Variants in TANC1 observed in about 807,000 individuals in gnomAD.
The protein encoded by TANC1 is protein TANC1.
In TANC1, 77 loss-of-function variants were observed where a neutral mutation model predicts 149.7. That is an observed-to-expected ratio of 0.51 (90% CI 0.43 to 0.62). TANC1 has a LOEUF of 0.62. Ranked by LOEUF, TANC1 falls within the 20% of genes least tolerant of loss-of-function variation. TANC1 has a pLI of 0.00. For synonymous variants in TANC1, 854 were observed against 925.0 expected (o/e 0.92, Z 1.39); for missense variants, 1,985 against 2,321.8 (o/e 0.85, Z 2.98).
intron 19 of TANC1, among the ~76,000 whole-genome samples, chr2:159,203,407 G>A (rs1414827897): frequency 2.0e-5 from 3 of 151,876 alleles, no homozygotes; most frequent in South Asian, 4.2e-4. Context: ...GGGTTTCACT[G>A]TATTGGCCAG....
chr2:159,188,688 G>A (rs2057208751), intron 16 of TANC1, among the ~76,000 whole-genome samples: 1 of 152,250 alleles, frequency 6.6e-6, no homozygotes, highest in Non-Finnish European at 1.5e-5. Context: ...AATTGTGCTT[G>A]TGTGAGCTTC....
In TANC1 at chr2:159,230,092, A is replaced by G. The variant is rs763882467; in HGVS notation, c.4666A>G (p.Ile1556Val). 24 of 1,613,832 alleles carry G rather than the reference A, an allele frequency of 1.5e-5. No individual in the cohort carries two copies. Among genetic ancestry groups the G allele is most frequent in the Non-Finnish European group, 2.0e-5 (24 of 1,180,050 alleles). ...GAGAAATGGCAGTATGAAAGTTCAG[A>G]TCTCTTCTCAGAACCCTCCTCCAAG... ...AVRNGSMKVQISSQNPPPSPM... is the reference protein window; with the variant it reads ...AVRNGSMKVQVSSQNPPPSPM... Residue 1556 changes from isoleucine (I) to valine (V), a missense_variant, in exon 27 of 27, where the codon ATC (isoleucine) becomes GTC (valine). Around this residue, in one of 3 missense-constraint regions of TANC1, gnomAD observed 920 missense variants for 994.7 expected, o/e 0.92. Transcript: ENST00000263635. This position sits in a 1 kb window ranked among gnomAD's most constrained non-coding sequence, Gnocchi z 4.4.
chr2:159,172,325 G>T (rs2055348510), intron 11 of TANC1, 53 bp downstream of exon 11: 4 of 1,572,066 alleles, frequency 2.5e-6, no homozygotes, highest in Middle Eastern at 1.8e-4. Flanking sequence ...TTGCTGGTTT[G>T]GTTTCTGAGA....
chr2:158,970,425 T>G (rs2032687188), intron 1 of TANC1, among the ~76,000 whole-genome samples: 1 of 152,116 alleles, frequency 6.6e-6, no homozygotes, highest in Admixed American at 6.5e-5. Flanking sequence ...TGCTTCTTGA[T>G]TGCTGGGAAT....
intron 4 of TANC1, 22 bp from the exon 5 acceptor site, chr2:159,136,172 A>T (rs1208882159): frequency 1.4e-6 from 2 of 1,444,240 alleles, no homozygotes; most frequent in African/African-American, 2.8e-5. Flanking sequence ...AATTAGCCAC[A>T]CTCAGATCTT....
intron 9 of TANC1, 58 bp downstream of exon 9, chr2:159,169,430 G>A (rs1298502181): frequency 6.4e-7 from 1 of 1,570,382 alleles, no homozygotes; most frequent in South Asian, 1.2e-5. Flanking sequence ...CAGTAACTTT[G>A]AAAGTCTGTG....
At chr2:159,095,622 G>A (rs2149895466) in intron 3 of TANC1, among the ~76,000 whole-genome samples, 1 of 151,730 alleles carries the variant, frequency 6.6e-6, no homozygotes, top group Admixed American at 6.6e-5. Context: ...TGTAATCCCA[G>A]CTACTCAGGA....
rs1355101894 is a variant in TANC1, at chr2:159,103,166, G to A, written c.259+5332G>A. Among the ~76,000 whole-genome samples, 3 of 96,056 alleles carry A rather than the reference G, an allele frequency of 3.1e-5. 1 individual carries two copies. Among genetic ancestry groups the A allele is most frequent in the African/African-American group, 8.7e-5 (3 of 34,656 alleles). The allele number at this position is 96,056 out of a possible 152,430, so 63.0% of individuals were successfully genotyped here. A position where few individuals can be genotyped will look rare whatever the true frequency, so the allele number is the denominator to read the frequency against. The stretch of plus-strand genomic sequence containing the variant: ...ACAGTTCAGTGGTAATTACACTCAC[G>A]TTGTTGTACAACCCATCTTTAGAAC... On this transcript the variant is annotated intron_variant, in intron 4 of 26. Transcript: ENST00000263635.
At chr2:159,019,331 T>C (rs1280595014) in intron 2 of TANC1, among the ~76,000 whole-genome samples, 3 of 152,188 alleles carry the variant, frequency 2.0e-5, no homozygotes, top group African/African-American at 7.2e-5. Context: ...TCTGCACCGG[T>C]AGTTGCTGAG....
intron 14 of TANC1, among the ~76,000 whole-genome samples, chr2:159,184,919 T>C (rs1014862511): frequency 6.6e-6 from 1 of 152,212 alleles, no homozygotes; most frequent in African/African-American, 2.4e-5. Context: ...GTTTATAACC[T>C]ATTTGAGAAG....
chr2:159,086,973 C>A (rs2044943551), intron 3 of TANC1, among the ~76,000 whole-genome samples: 1 of 150,348 alleles, frequency 6.7e-6, no homozygotes, highest in African/African-American at 2.5e-5. Context: ...TGCTACTCTG[C>A]TTGTTTAGAG....
chr2:159,217,332 C>T (rs574354611), intron 19 of TANC1, among the ~76,000 whole-genome samples, 165 bp from the exon 20 acceptor site: 14 of 152,352 alleles, frequency 9.2e-5, no homozygotes, highest in Admixed American at 2.6e-4. Context: ...AGAATTGGTT[C>T]TGCTGTGTTC....
Position 159,232,171 on chromosome 2 carries a change from C to T in TANC1, c.*1159C>T, listed in dbSNP as rs1459737560. ...TTATATGAACACCTTTGAGGTGCTACTTAAGTCCAAGCTCTGATGTATTAT... is the reference window on the plus strand; with the variant it reads ...TTATATGAACACCTTTGAGGTGCTATTTAAGTCCAAGCTCTGATGTATTAT... On this transcript the variant is annotated 3_prime_UTR_variant, in exon 27 of 27. Coordinates refer to ENST00000263635, the MANE Select transcript of TANC1 (RefSeq NM_033394.3). 1 of 152,578 alleles carries T rather than the reference C, an allele frequency of 6.6e-6. No homozygotes were observed. The highest frequency in any genetic ancestry group is 2.4e-5 in the African/African-American group (1 of 41,436). 9.5% of individuals were successfully genotyped at this position (152,578 alleles called of 1,614,324 possible). A position where few individuals can be genotyped will look rare whatever the true frequency, so the allele number is the denominator to read the frequency against.
Position 159,230,276 on chromosome 2 carries a change from C to T in TANC1, c.4850C>T (p.Ala1617Val), listed in dbSNP as rs1214562764. 6.2e-7 allele frequency: 1 copy of T among 1,614,088 alleles called. No homozygotes were observed. The highest frequency in any genetic ancestry group is 1.1e-5 in the South Asian group (1 of 91,086). The change falls in exon 27 of 27, where the codon GCA becomes GTA. Residue 1617 changes from alanine to valine, a missense_variant. Coordinates refer to ENST00000263635, the MANE Select transcript of TANC1 (RefSeq NM_033394.3). The surrounding 1 kb of genome is among the most constrained non-coding windows in gnomAD (Gnocchi z 4.4). ...VRLQCGENGPAHPLPSKTKTT... is the reference protein window; with the variant it reads ...VRLQCGENGPVHPLPSKTKTT... Reference sequence around the variant, plus strand: ...CTGCAGTGTGGTGAGAATGGCCCTGCACACCCTTTACCAAGTAAGACGAAA... The same window carrying T: ...CTGCAGTGTGGTGAGAATGGCCCTGTACACCCTTTACCAAGTAAGACGAAA...
rs2058723199 is a variant in TANC1, at chr2:159,207,727, A to AC, written c.3244+8675dup. On this transcript the variant is annotated intron_variant, in intron 19 of 26. Coordinates refer to ENST00000263635, the MANE Select transcript of TANC1 (RefSeq NM_033394.3). ...AAAAAAAAAAAAAAAAAAAAAAAAA[A>AC]CAACTCAGACTTAGCCACACTCCCT... 3.1e-5 allele frequency among the ~76,000 whole-genome samples: 4 copies of AC among 128,012 alleles called. No homozygotes were observed. The South Asian group carries it at 9.9e-4, about 32-fold the overall frequency. 84.0% of individuals were successfully genotyped at this position (128,012 alleles called of 152,430 possible). A position where few individuals can be genotyped will look rare whatever the true frequency, so the allele number is the denominator to read the frequency against.
intron 4 of TANC1, among the ~76,000 whole-genome samples, chr2:159,113,037 C>T (rs182830204): frequency 6.6e-6 from 1 of 152,184 alleles, no homozygotes; most frequent in African/African-American, 2.4e-5. Context: ...TGGGCTTAAT[C>T]GATCCTCCCA....
intron 2 of TANC1, among the ~76,000 whole-genome samples, chr2:159,028,398 G>C (rs938933513): frequency 1.3e-5 from 2 of 152,196 alleles, no homozygotes; most frequent in Admixed American, 6.5e-5. Flanking sequence ...TGGGATTACA[G>C]GTGTGAGCCA....
chr2:159,104,942 A>G (rs1449168079), intron 4 of TANC1, among the ~76,000 whole-genome samples: 1 of 112,890 alleles, frequency 8.9e-6, no homozygotes, highest in East Asian at 3.2e-4. Flanking sequence ...TCAGTATCTT[A>G]TAATTGATTT....
chr2:159,040,453 C>A (rs264610), intron 2 of TANC1, among the ~76,000 whole-genome samples: 28,914 of 152,006 alleles, frequency 0.19, 3,423 homozygotes, highest in South Asian at 0.46. Context: ...AGGCTTTGTT[C>A]GTTTCTTTTT....
Sources: gnomAD v4.1 joint callset for allele counts (sites outside exome capture counted in the v4.1 genomes callset) on GRCh38, gnomAD v4.1.1 for gene constraint, gnomAD v4.1.1 regional missense constraint, Gnocchi (gnomAD v3.1) non-coding constraint, MANE v1.5 for transcripts, NCBI Gene and HGNC (gene_info 2026-07-23, HGNC 2026-07-21) for gene names.